CACNG3: variants seen among roughly 807,000 people sequenced by gnomAD.
CACNG3 encodes the protein calcium voltage-gated channel auxiliary subunit gamma 3, also known as voltage-dependent calcium channel gamma-3 subunit.
CACNG3 carries 3 observed loss-of-function variants against 28.5 expected under a neutral mutation model. The observed-to-expected ratio is 0.11, with a 90% confidence interval of 0.05 to 0.27. CACNG3 has a LOEUF of 0.27. Ranked by LOEUF, CACNG3 falls within the 10% of genes least tolerant of loss-of-function variation. CACNG3 has a pLI of 1.00. For synonymous variants in CACNG3, 174 were observed against 162.2 expected, an observed-to-expected ratio of 1.07 and a Z score of -0.55; for missense variants, 236 against 414.4, an observed-to-expected ratio of 0.57 and a Z score of 3.74.
chr16:24,355,162 A>G (rs1479481875), intron 3 of CACNG3, among the ~76,000 whole-genome samples, 189 bp downstream of exon 3: 1 of 148,322 alleles, frequency 6.7e-6, no homozygotes, highest in East Asian at 2.0e-4. Flanking sequence ...TAAAGCCGGC[A>G]TGAAGGAAAA....
At chr16:24,317,638 G>GA (rs750598537) in intron 1 of CACNG3, among the ~76,000 whole-genome samples, 11,595 of 49,710 alleles carry the variant, frequency 0.23, 1,543 homozygotes, top group Non-Finnish European at 0.26. Flanking sequence ...CAGACAGAAA[G>GA]AAAGAAAAGA....
chr16:24,270,209 GC>G (rs1431080462), intron 1 of CACNG3, among the ~76,000 whole-genome samples: 2 of 152,184 alleles, frequency 1.3e-5, no homozygotes, highest in African/African-American at 4.8e-5. Flanking sequence ...CTGTTGAGGT[GC>G]CTTCCATCAC....
At chr16:24,309,081 A>G (rs1421936737) in intron 1 of CACNG3, among the ~76,000 whole-genome samples, 4 of 152,148 alleles carry the variant, frequency 2.6e-5, no homozygotes, top group African/African-American at 9.7e-5. Flanking sequence ...TACACAGCTA[A>G]TAAAGCAGTG....
At chr16:24,354,642 C>G (rs1266959336) in intron 2 of CACNG3, among the ~76,000 whole-genome samples, 191 bp from the exon 3 acceptor site, 4 of 152,238 alleles carry the variant, frequency 2.6e-5, no homozygotes, top group Non-Finnish European at 5.9e-5. Context: ...ATGGTGACTG[C>G]AGAGCATCAA....
chr16:24,331,606 G>A (rs1403382173), intron 1 of CACNG3, among the ~76,000 whole-genome samples: 1 of 152,122 alleles, frequency 6.6e-6, no homozygotes, highest in Non-Finnish European at 1.5e-5. Context: ...TTTCTCATGT[G>A]CTGAAAACCC....
At chr16:24,357,411 C>T (rs1900047707) in intron 3 of CACNG3, among the ~76,000 whole-genome samples, 2 of 152,070 alleles carry the variant, frequency 1.3e-5, no homozygotes, top group Admixed American at 6.6e-5. Flanking sequence ...CAAACCATAT[C>T]AGAGACTGAA....
chr16:24,268,200 C>T (rs1318174497), intron 1 of CACNG3, among the ~76,000 whole-genome samples: 1 of 152,096 alleles, frequency 6.6e-6, no homozygotes, highest in Non-Finnish European at 1.5e-5. Context: ...TATTCTGGGC[C>T]CTTGGATAAA....
Position 24,322,319 on chromosome 16 carries a change from A to G in CACNG3, c.212-24415A>G, listed in dbSNP as rs534465159. ...CCAGCCAGTGCCTGTGAATGACTCTATCAGGTCATTAGCGCCTCAAAGGAA... is the reference window on the plus strand; with the variant it reads ...CCAGCCAGTGCCTGTGAATGACTCTGTCAGGTCATTAGCGCCTCAAAGGAA... On this transcript the variant is annotated intron_variant, in intron 1 of 3. Transcript: ENST00000005284. Among the ~76,000 whole-genome samples, 25 of 152,194 alleles carry G rather than the reference A, an allele frequency of 1.6e-4. No homozygotes were observed. The South Asian group carries it at 5.0e-3, about 30-fold the overall frequency.
intron 1 of CACNG3, among the ~76,000 whole-genome samples, chr16:24,296,883 CT>C (rs1899038428): frequency 6.6e-6 from 1 of 152,132 alleles, no homozygotes; most frequent in Non-Finnish European, 1.5e-5. Context: ...GTAATTGCCC[CT>C]CAAACAGGAA....
chr16:24,317,622 GAAAGACAGACAGAAAGAAA>G (rs1899382650), intron 1 of CACNG3, among the ~76,000 whole-genome samples: 8 of 57,948 alleles, frequency 1.4e-4, no homozygotes, highest in Admixed American at 3.8e-4. Context: ...AAGAAAGAAA[GAAAGACAGACAGAAAGAAA>G]GAAAAGAAAA....
chr16:24,295,463 CT>C (rs1421533627), intron 1 of CACNG3, among the ~76,000 whole-genome samples: 20 of 152,154 alleles, frequency 1.3e-4, no homozygotes, highest in African/African-American at 4.1e-4. Context: ...ATAAAAATAA[CT>C]GACAATCAAT....
At chr16:24,332,212 C>T (rs1899640312) in intron 1 of CACNG3, among the ~76,000 whole-genome samples, 1 of 152,116 alleles carries the variant, frequency 6.6e-6, no homozygotes, top group African/African-American at 2.4e-5. Flanking sequence ...CCTATAATTG[C>T]AGCATTTTGG....
intron 1 of CACNG3, among the ~76,000 whole-genome samples, chr16:24,265,620 A>G (rs893325611): frequency 1.3e-5 from 2 of 152,200 alleles, no homozygotes; most frequent in African/African-American, 4.8e-5. Context: ...AATTCAGCCC[A>G]TTGCCTGCTT....
At chr16:24,274,883 T>C (rs1898734028) in intron 1 of CACNG3, among the ~76,000 whole-genome samples, 1 of 152,162 alleles carries the variant, frequency 6.6e-6, no homozygotes, top group African/African-American at 2.4e-5. Flanking sequence ...TCCCAAATTC[T>C]CGAGACAGTA....
At chr16:24,269,054 T>C (rs1328015863) in intron 1 of CACNG3, among the ~76,000 whole-genome samples, 1 of 152,176 alleles carries the variant, frequency 6.6e-6, no homozygotes, top group Non-Finnish European at 1.5e-5. Context: ...TGGTTCTTAC[T>C]GGCCTTGGGT....
At chr16:24,259,543 G>T (rs1301978744) in intron 1 of CACNG3, among the ~76,000 whole-genome samples, 1 of 152,180 alleles carries the variant, frequency 6.6e-6, no homozygotes, top group East Asian at 1.9e-4. Flanking sequence ...TTTTCTTAGA[G>T]GTCAAATTAG....
chr16:24,282,851 A>C (rs1898847651), intron 1 of CACNG3, among the ~76,000 whole-genome samples: 1 of 151,948 alleles, frequency 6.6e-6, no homozygotes, highest in African/African-American at 2.4e-5. Flanking sequence ...TTTTGAATTC[A>C]TGTGCTTCAC....
chr16:24,281,374 C>CT (rs35072070), intron 1 of CACNG3, among the ~76,000 whole-genome samples: 32,272 of 147,424 alleles, frequency 0.22, 3,606 homozygotes, highest in South Asian at 0.33. Context: ...AATTTTTTGA[C>CT]TTTTTTTTTT....
At chr16:24,358,160 T>A (rs1900060548) in intron 3 of CACNG3, among the ~76,000 whole-genome samples, 1 of 152,196 alleles carries the variant, frequency 6.6e-6, no homozygotes, top group African/African-American at 2.4e-5. Flanking sequence ...ACCCTTTAAA[T>A]CGGTAAATAA....
Sources: allele counts gnomAD v4.1 joint callset (sites outside exome capture counted in the v4.1 genomes callset), GRCh38; gene constraint gnomAD v4.1.1; transcripts MANE v1.5; gene names NCBI Gene and HGNC (gene_info 2026-07-23, HGNC 2026-07-21).